The following TAF1 variants were observed in gnomAD, a reference collection of about 807,000 sequenced individuals.
The protein encoded by TAF1 is transcription initiation factor TFIID subunit 1.
In TAF1, 2 loss-of-function variants were observed where a neutral mutation model predicts 138.5. That is an observed-to-expected ratio of 0.01 (90% CI 0.01 to 0.05). The LOEUF (loss-of-function observed/expected upper bound fraction) is 0.05, where lower values mean the gene tolerates loss of function less well. Among genes scored for constraint, TAF1 ranks in the 10% least tolerant of loss-of-function variants. The pLI is 1.00. For missense variants in TAF1, 709 were observed against 1,478.0 expected, an observed-to-expected ratio of 0.48 and a Z score of 8.53; for synonymous variants, 437 against 503.2, an observed-to-expected ratio of 0.87 and a Z score of 1.76.
intron 35 of TAF1, among the ~76,000 whole-genome samples, chrX:71,458,908 C>T (rs1202548168): frequency 9.0e-6 from 1 of 111,079 alleles, no homozygotes; most frequent in African/African-American, 3.3e-5. Context: ...GGAAGAGTCT[C>T]TTTGTAATAA....
At chrX:71,376,255 G>T (rs1446316996) in intron 4 of TAF1, among the ~76,000 whole-genome samples, 1 of 111,718 alleles carries the variant, frequency 9.0e-6, no homozygotes, top group Non-Finnish European at 1.9e-5. Context: ...CCTTAATGTT[G>T]TCCCGTGGGC....
chrX:71,406,999 T>C (rs1279449301), intron 26 of TAF1, among the ~76,000 whole-genome samples: 1 of 103,570 alleles, frequency 9.7e-6, no homozygotes, highest in Non-Finnish European at 2.0e-5. Context: ...CACTGCAACC[T>C]CCACCTCCCA....
chrX:71,480,686 C>T (rs1258125020), intron 13 of TAF1, among the ~76,000 whole-genome samples: 1 of 111,351 alleles, frequency 9.0e-6, no homozygotes, highest in Non-Finnish European at 1.9e-5. Context: ...GTGATAAGTA[C>T]TATAAAGAAC....
intron 13 of TAF1, among the ~76,000 whole-genome samples, chrX:71,473,706 T>TAAC (rs766622319): frequency 1.1e-4 from 12 of 108,550 alleles, no homozygotes; most frequent in East Asian, 8.6e-4. Context: ...AAAACAACAA[T>TAAC]AACAACAACA....
intron 13 of TAF1, among the ~76,000 whole-genome samples, chrX:71,501,339 G>A (rs2039502950): frequency 9.0e-6 from 1 of 111,096 alleles, no homozygotes; most frequent in East Asian, 2.8e-4. Context: ...TGATTGCTGA[G>A]CCCGGGTGCC....
chrX:71,403,114 C>T (rs1450474120), intron 25 of TAF1, among the ~76,000 whole-genome samples: 11 of 109,921 alleles, frequency 1.0e-4, no homozygotes, highest in Admixed American at 4.9e-4. Context: ...CTGCAACCTG[C>T]GCCTCCCAGG....
intron 13 of TAF1, among the ~76,000 whole-genome samples, chrX:71,513,938 A>G (rs2039778723): frequency 9.0e-6 from 1 of 111,508 alleles, no homozygotes; most frequent in Non-Finnish European, 1.9e-5. Flanking sequence ...AAAATGGACC[A>G]ATCAGCAGGA....
At chrX:71,418,252 TC>T (rs201932622) in intron 28 of TAF1, among the ~76,000 whole-genome samples, 1,257 of 111,233 alleles carry the variant, frequency 0.011, 19 homozygotes, top group African/African-American at 0.04. Flanking sequence ...TGCCATCACA[TC>T]CAGCTAATTT....
chrX:71,431,713 G>A (rs1448140863), intron 32 of TAF1, among the ~76,000 whole-genome samples: 4 of 110,427 alleles, frequency 3.6e-5, no homozygotes, highest in Admixed American at 2.9e-4. Flanking sequence ...TCAAGAGATC[G>A]AGACCATCCT....
chrX:71,476,979 C>G (rs914167784), intron 13 of TAF1, among the ~76,000 whole-genome samples: 2 of 109,037 alleles, frequency 1.8e-5, no homozygotes, highest in Non-Finnish European at 3.8e-5. Flanking sequence ...TGCTCTGTTG[C>G]CCAAGCTGGA....
intron 36 of TAF1, among the ~76,000 whole-genome samples, chrX:71,460,247 A>C (rs1410016069): frequency 3.6e-5 from 4 of 112,022 alleles, no homozygotes; most frequent in Admixed American, 2.8e-4. Context: ...TCTCCAAAGA[A>C]AAAGAAAAAA....
intron 32 of TAF1, among the ~76,000 whole-genome samples, chrX:71,426,943 A>AT (rs1344595087): frequency 8.9e-6 from 1 of 111,935 alleles, no homozygotes; most frequent in East Asian, 2.8e-4. Context: ...GTTTGAGAGA[A>AT]TTATCTGGCG....
chrX:71,501,991 C>T (rs1159318838), intron 13 of TAF1, among the ~76,000 whole-genome samples: 3 of 110,978 alleles, frequency 2.7e-5, no homozygotes, highest in South Asian at 3.8e-4. Context: ...TGGACCTTTG[C>T]GGTGTTACAG....
chrX:71,494,659 G>A (rs1053008068), intron 13 of TAF1, among the ~76,000 whole-genome samples: 8 of 111,806 alleles, frequency 7.2e-5, no homozygotes, highest in African/African-American at 2.6e-4. Context: ...GCATAGTATT[G>A]TGTCCAGAGT....
At chrX:71,472,685 A>ATC (rs1357995426) in intron 13 of TAF1, among the ~76,000 whole-genome samples, 1 of 111,901 alleles carries the variant, frequency 8.9e-6, no homozygotes, top group African/African-American at 3.3e-5. Context: ...GTGAGCTGAG[A>ATC]TCTCGCCATT....
chrX:71,442,813 T>G (rs747123991), intron 32 of TAF1, among the ~76,000 whole-genome samples: 2 of 112,268 alleles, frequency 1.8e-5, no homozygotes, highest in African/African-American at 6.5e-5. Flanking sequence ...TTTAAGTCTT[T>G]AATCCATCTT....
chrX:71,397,234 T>G lies in TAF1; in HGVS notation c.3407-19T>G. ...GAGATAAGGGGAACGTTTGGAAATC[T>G]TTTCTACCTACCTTGCAGCAGCAGG... is the stretch of plus-strand genomic sequence containing the variant. On this transcript the variant is annotated intron_variant, in intron 22 of 37. Transcript: ENST00000423759. The G allele has an allele frequency of 8.3e-7, 1 of 1,206,278 alleles. No homozygotes were observed.
rs764443054 is a variant in TAF1 at position 71,461,373 on chromosome X, C to T, written c.5399+570C>T. Among the ~76,000 whole-genome samples, 6 of 110,849 alleles carry T rather than the reference C, an allele frequency of 5.4e-5. No individual in the cohort carries two copies. In the South Asian group the frequency reaches 1.9e-3, roughly 36 times the overall value. ...GCTAAGACCTTTGGACCTTAACCTG[C>T]GGGTAATAGGAGTCATCAGTTTAAG... On this transcript the variant is annotated intron_variant, in intron 37 of 37. Transcript: ENST00000423759.
intron 27 of TAF1, 124 bp from the exon 28 acceptor site, chrX:71,407,850 G>T: frequency 1.0e-6 from 1 of 995,049 alleles, no homozygotes; most frequent in Non-Finnish European, 1.4e-6. Flanking sequence ...AAACAGACGT[G>T]CTCCATCTAG....
Sources: gnomAD v4.1 joint callset for allele counts (sites outside exome capture counted in the v4.1 genomes callset) on GRCh38, gnomAD v4.1.1 for gene constraint, MANE v1.5 for transcripts, NCBI Gene and HGNC (gene_info 2026-07-23, HGNC 2026-07-21) for gene names.